HERPUD2: variants seen among roughly 807,000 people sequenced by gnomAD.
HERPUD2 encodes the protein HERPUD family member 2.
Under a neutral mutation model 49.9 loss-of-function variants are expected in HERPUD2, and 13 were observed. The ratio of observed to expected loss-of-function variants is 0.26; its 90% CI spans 0.17 to 0.41. The LOEUF is 0.41. Ranked by LOEUF, HERPUD2 falls within the 10% of genes least tolerant of loss-of-function variation. HERPUD2 has a pLI of 1.00. For synonymous variants in HERPUD2, 172 were observed against 171.4 expected (o/e 1.00, Z -0.03); for missense variants, 449 against 492.2 (o/e 0.91, Z 0.83).
Position 35,647,830 on chromosome 7 carries a change from C to A in HERPUD2, c.495-9358G>T, listed in dbSNP as rs187269436. 8.5e-5 allele frequency among the ~76,000 whole-genome samples: 13 copies of A among 152,248 alleles called. No individual in the cohort carries two copies. In the East Asian group the frequency reaches 2.3e-3, roughly 27 times the overall value. On this transcript the variant is annotated intron_variant, in intron 5 of 8. Coordinates refer to ENST00000311350, the MANE Select transcript of HERPUD2 (RefSeq NM_022373.5). ...AAGTGGCAGATAACAGTGCTGAGAC[C>A]AGAGTTTTTATAAAATGTAGTGAAG... is the stretch of plus-strand genomic sequence containing the variant.
chr7:35,682,241 A>C (rs1265412100), intron 2 of HERPUD2, among the ~76,000 whole-genome samples: 1 of 105,422 alleles, frequency 9.5e-6, no homozygotes, highest in African/African-American at 4.3e-5. Flanking sequence ...AGATATATAC[A>C]CATACACACG....
intron 5 of HERPUD2, among the ~76,000 whole-genome samples, chr7:35,656,489 AAAG>A (rs1167284402): frequency 6.6e-6 from 1 of 152,180 alleles, no homozygotes; most frequent in Non-Finnish European, 1.5e-5. Context: ...TAGAACAAAA[AAAG>A]AGCCTGAACA....
intron 5 of HERPUD2, among the ~76,000 whole-genome samples, chr7:35,648,138 T>C (rs994677660): frequency 6.6e-6 from 1 of 152,154 alleles, no homozygotes; most frequent in African/African-American, 2.4e-5. Context: ...ACAACTTTAC[T>C]GCAATTTTGC....
At chr7:35,653,200 T>C (rs553964156) in intron 5 of HERPUD2, among the ~76,000 whole-genome samples, 2 of 152,312 alleles carry the variant, frequency 1.3e-5, no homozygotes, top group East Asian at 3.9e-4. Flanking sequence ...ATCTCAACTG[T>C]AAATGCACAG....
At chr7:35,635,596 A>C (rs1317425059) in intron 6 of HERPUD2, 138 bp from the exon 7 acceptor site, 1 of 709,534 alleles carries the variant, frequency 1.4e-6, no homozygotes, top group East Asian at 2.7e-5. Flanking sequence ...CACATTTCTT[A>C]GGTAAGCACA....
At position 35,694,120 on chromosome 7, in the gene HERPUD2, A is replaced by C. The variant is rs959002048; in HGVS notation, c.147+64T>G. The C allele has an allele frequency of 1.9e-6, 3 of 1,562,836 alleles. No homozygotes were observed. In the East Asian group the frequency reaches 6.7e-5, roughly 35 times the overall value. ...AGACTGGAGGGGAGAAGCAGGAAAA[A>C]GGAGGGTACACGGCACGAAAAGCTG... On this transcript the variant is annotated intron_variant, in intron 2 of 8. Transcript: ENST00000311350.
chr7:35,684,242 T>C (rs1481469344), intron 2 of HERPUD2, among the ~76,000 whole-genome samples: 2 of 151,728 alleles, frequency 1.3e-5, no homozygotes, highest in African/African-American at 4.8e-5. Context: ...AAAACAAAAT[T>C]AGCCAGGCAT....
At chr7:35,637,692 CTA>C (rs764841178) in intron 6 of HERPUD2, among the ~76,000 whole-genome samples, 58 of 152,272 alleles carry the variant, frequency 3.8e-4, no homozygotes, top group Admixed American at 1.0e-3. Flanking sequence ...TCTCTACCGA[CTA>C]TGAGTGCTGA....
At chr7:35,680,485 C>T (rs532480699) in intron 2 of HERPUD2, among the ~76,000 whole-genome samples, 9 of 152,118 alleles carry the variant, frequency 5.9e-5, no homozygotes, top group African/African-American at 2.2e-4. Context: ...GATGGATTCC[C>T]ACTACAATGG....
intron 5 of HERPUD2, among the ~76,000 whole-genome samples, chr7:35,640,728 T>C (rs1233862054): frequency 1.3e-5 from 2 of 152,128 alleles, no homozygotes; most frequent in African/African-American, 2.4e-5. Context: ...TATAAAGTTA[T>C]TAATAAAATA....
At chr7:35,682,326 CGTGTGTGT>C (rs1173380172) in intron 2 of HERPUD2, among the ~76,000 whole-genome samples, 452 of 16,310 alleles carry the variant, frequency 0.028, 27 homozygotes, top group Non-Finnish European at 0.044. Context: ...CACATACACA[CGTGTGTGT>C]GTGTGTGTGT....
chr7:35,678,812 T>C (rs1209138533), intron 2 of HERPUD2, among the ~76,000 whole-genome samples: 1 of 152,198 alleles, frequency 6.6e-6, no homozygotes, highest in African/African-American at 2.4e-5. Context: ...GCTTTCTACA[T>C]GGGTAATCTC....
At chr7:35,637,557 A>G (rs77986765) in intron 6 of HERPUD2, among the ~76,000 whole-genome samples, 1,998 of 152,298 alleles carry the variant, frequency 0.013, 40 homozygotes, top group African/African-American at 0.046. Flanking sequence ...TCTTCCAACA[A>G]TAAAGCAGAG....
intron 5 of HERPUD2, among the ~76,000 whole-genome samples, chr7:35,642,185 G>C (rs1016921802): frequency 1.2e-4 from 19 of 152,132 alleles, no homozygotes; most frequent in African/African-American, 4.1e-4. Flanking sequence ...AGATATACAT[G>C]TGGCCAACAA....
At chr7:35,682,695 G>C (rs1172399051) in intron 2 of HERPUD2, among the ~76,000 whole-genome samples, 1 of 151,458 alleles carries the variant, frequency 6.6e-6, no homozygotes, top group Admixed American at 6.6e-5. Flanking sequence ...AAAGTTCCTA[G>C]AACTAATAAA....
chr7:35,645,878 G>T (rs1360327383), intron 5 of HERPUD2, among the ~76,000 whole-genome samples: 1 of 152,176 alleles, frequency 6.6e-6, no homozygotes, highest in Non-Finnish European at 1.5e-5. Flanking sequence ...AGGGCAAGTG[G>T]TGTAAGACAT....
intron 5 of HERPUD2, among the ~76,000 whole-genome samples, chr7:35,639,241 C>T (rs1245761791): frequency 6.6e-6 from 1 of 151,940 alleles, no homozygotes; most frequent in Non-Finnish European, 1.5e-5. Context: ...ACTGTGTTGG[C>T]CAGGCTGGTC....
chr7:35,675,588 T>A (rs1323719736), intron 2 of HERPUD2, among the ~76,000 whole-genome samples: 2 of 152,170 alleles, frequency 1.3e-5, no homozygotes, highest in African/African-American at 4.8e-5. Flanking sequence ...TTGTGAATTT[T>A]TTTCCTTTAT....
intron 2 of HERPUD2, among the ~76,000 whole-genome samples, chr7:35,684,474 C>A (rs1298909939): frequency 6.6e-6 from 1 of 151,346 alleles, no homozygotes; most frequent in Non-Finnish European, 1.5e-5. Context: ...TGGAACCAAC[C>A]CAAATGCCCA....
Sources: allele counts gnomAD v4.1 joint callset (sites outside exome capture counted in the v4.1 genomes callset), GRCh38; gene constraint gnomAD v4.1.1; transcripts MANE v1.5; gene names NCBI Gene and HGNC (gene_info 2026-07-23, HGNC 2026-07-21).